Variants in MIPEP observed in about 807,000 individuals in gnomAD.
MIPEP encodes the protein mitochondrial intermediate peptidase.
MIPEP carries 79 observed loss-of-function variants against 90.3 expected under a neutral mutation model. The ratio of observed to expected loss-of-function variants is 0.87; its 90% CI spans 0.73 to 1.05. MIPEP has a LOEUF of 1.05. MIPEP is among the 50% of genes least tolerant of loss of function. MIPEP has a pLI of 0.00. For synonymous variants in MIPEP, 334 were observed against 315.8 expected, an observed-to-expected ratio of 1.06 and a Z score of -0.61; for missense variants, 940 against 905.6, an observed-to-expected ratio of 1.04 and a Z score of -0.49.
chr13:23,778,642 C>G (rs1014228239), intron 16 of MIPEP, among the ~76,000 whole-genome samples: 1 of 152,042 alleles, frequency 6.6e-6, no homozygotes. Context: ...TTATACATAC[C>G]ATTTTTATCA....
At chr13:23,862,237 C>A in intron 9 of MIPEP, 65 bp downstream of exon 9, 1 of 1,002,486 alleles carries the variant, frequency 1.0e-6, no homozygotes, top group African/African-American at 1.6e-5. Flanking sequence ...GTTCCTGAAT[C>A]AAAAGATATT....
At chr13:23,802,469 G>A (rs1953054904) in intron 16 of MIPEP, among the ~76,000 whole-genome samples, 1 of 152,082 alleles carries the variant, frequency 6.6e-6, no homozygotes, top group Non-Finnish European at 1.5e-5. Flanking sequence ...TCAGGAGGCT[G>A]AGGTGAGAGA....
chr13:23,811,430 T>C (rs116508548), intron 14 of MIPEP, among the ~76,000 whole-genome samples: 1,971 of 152,286 alleles, frequency 0.013, 41 homozygotes, highest in African/African-American at 0.045. Context: ...ATTTGGTTTA[T>C]AGTTAAACTT....
intron 1 of MIPEP, 116 bp downstream of exon 1, chr13:23,889,016 G>T (rs748537129): frequency 9.9e-7 from 1 of 1,005,384 alleles, no homozygotes; most frequent in Non-Finnish European, 1.3e-6. Flanking sequence ...TAAAAGGTGG[G>T]TTCGCTGCTC....
At chr13:23,779,743 C>T (rs957674310) in intron 16 of MIPEP, among the ~76,000 whole-genome samples, 4 of 152,144 alleles carry the variant, frequency 2.6e-5, no homozygotes, top group South Asian at 2.1e-4. Flanking sequence ...CCTGGAAAAT[C>T]GGATCACTCC....
intron 18 of MIPEP, among the ~76,000 whole-genome samples, chr13:23,748,955 C>A (rs896599157): frequency 6.6e-6 from 1 of 152,178 alleles, no homozygotes; most frequent in Non-Finnish European, 1.5e-5. Context: ...TTAGGAATAA[C>A]CATCCAGAGG....
intron 3 of MIPEP, among the ~76,000 whole-genome samples, chr13:23,880,612 TC>T (rs1376561565): frequency 1.3e-5 from 2 of 152,148 alleles, no homozygotes; most frequent in African/African-American, 4.8e-5. Context: ...CAGGGGCCTT[TC>T]CCCGAGAGGC....
chr13:23,843,453 T>C (rs962943068), intron 10 of MIPEP, among the ~76,000 whole-genome samples: 3 of 152,216 alleles, frequency 2.0e-5, no homozygotes, highest in Non-Finnish European at 4.4e-5. Context: ...CAACCTTCTA[T>C]TAGTACACTC....
At chr13:23,815,664 C>T (rs960126368) in intron 14 of MIPEP, among the ~76,000 whole-genome samples, 5 of 152,048 alleles carry the variant, frequency 3.3e-5, no homozygotes, top group African/African-American at 4.8e-5. Flanking sequence ...CCAAAATGTA[C>T]GCCTCCTCAA....
chr13:23,866,568 A>T (rs942340826), intron 7 of MIPEP, among the ~76,000 whole-genome samples: 1 of 152,076 alleles, frequency 6.6e-6, no homozygotes, highest in Non-Finnish European at 1.5e-5. Flanking sequence ...CTGTAGACAG[A>T]CCTTCTGCGC....
intron 10 of MIPEP, among the ~76,000 whole-genome samples, chr13:23,851,494 A>G (rs1869795235): frequency 6.6e-6 from 1 of 152,208 alleles, no homozygotes; most frequent in Non-Finnish European, 1.5e-5. Context: ...GAAGACTATC[A>G]ATGGGTGTTA....
At chr13:23,790,594 G>GA (rs369816683) in intron 16 of MIPEP, among the ~76,000 whole-genome samples, 2,699 of 149,052 alleles carry the variant, frequency 0.018, 65 homozygotes, top group African/African-American at 0.057. Flanking sequence ...GAAGGAGGGG[G>GA]AGGCAATGTG....
intron 18 of MIPEP, among the ~76,000 whole-genome samples, chr13:23,733,899 C>A (rs1038243649): frequency 9.9e-5 from 15 of 152,168 alleles, no homozygotes; most frequent in Non-Finnish European, 1.5e-4. Flanking sequence ...GTTCAAAACA[C>A]AGTGTTCTTT....
At chr13:23,799,527 C>T (rs578191717) in intron 16 of MIPEP, among the ~76,000 whole-genome samples, 6 of 151,318 alleles carry the variant, frequency 4.0e-5, no homozygotes, top group East Asian at 4.0e-4. Context: ...GGGGTTTCAC[C>T]GTGTTAGCCA....
intron 10 of MIPEP, among the ~76,000 whole-genome samples, chr13:23,856,775 C>T (rs763026955): frequency 2.6e-5 from 4 of 151,962 alleles, no homozygotes; most frequent in African/African-American, 7.3e-5. Flanking sequence ...TCTCCTACCT[C>T]GGAACCACCA....
chr13:23,864,343 CAT>C lies in MIPEP; in HGVS notation c.944-156_944-155del, dbSNP rs1330146211. ...AGTAGAGCTACCAACATATACCAAA[CAT>C]ATAGTAAATGCTTCTAGGTGATGAC... On this transcript the variant is annotated intron_variant, in intron 7 of 18. Transcript: ENST00000382172. Among the ~76,000 whole-genome samples, 4 of 152,248 alleles carry C rather than the reference CAT, an allele frequency of 2.6e-5. No homozygotes were observed. In the East Asian group the frequency reaches 7.7e-4, roughly 29 times the overall value.
At chr13:23,849,558 T>G (rs1413242340) in intron 10 of MIPEP, among the ~76,000 whole-genome samples, 4 of 152,250 alleles carry the variant, frequency 2.6e-5, no homozygotes, top group African/African-American at 9.6e-5. Flanking sequence ...TATTCTGGTT[T>G]ATAATACGTT....
chr13:23,773,698 A>G lies in MIPEP; in HGVS notation c.1849-13481T>C, dbSNP rs116913835. Among the ~76,000 whole-genome samples, 614 of 152,298 alleles carry G rather than the reference A, an allele frequency of 4.0e-3. 3 individuals are homozygous for G. Among genetic ancestry groups the G allele is most frequent in the Non-Finnish European group, 6.4e-3 (438 of 68,012 alleles). On this transcript the variant is annotated intron_variant, in intron 16 of 18. Coordinates refer to ENST00000382172, the MANE Select transcript of MIPEP (RefSeq NM_005932.4). ...GTCTCGCACTGTGGTTTTGATTTGC[A>G]TATCCCTAATGATGCTGAACATCTT...
At chr13:23,787,312 G>GTC (rs1952854058) in intron 16 of MIPEP, among the ~76,000 whole-genome samples, 3 of 152,078 alleles carry the variant, frequency 2.0e-5, no homozygotes, top group Admixed American at 1.3e-4. Context: ...GTCTGATGAC[G>GTC]GCCTGCTTCC....
Sources: allele counts gnomAD v4.1 joint callset (sites outside exome capture counted in the v4.1 genomes callset), GRCh38; gene constraint gnomAD v4.1.1; transcripts MANE v1.5; gene names NCBI Gene and HGNC (gene_info 2026-07-23, HGNC 2026-07-21).